SLC16A6: variants seen among roughly 807,000 people sequenced by gnomAD.
SLC16A6 encodes the protein solute carrier family 16 member 6, also known as monocarboxylate transporter 7.
A neutral mutation model predicts 33.8 loss-of-function variants in SLC16A6; 15 were observed. That is an observed-to-expected ratio of 0.44 (90% CI 0.30 to 0.68). The LOEUF is 0.68. SLC16A6 is among the 30% of genes least tolerant of loss of function. SLC16A6 has a pLI of 0.10. For missense variants in SLC16A6, 451 were observed against 661.5 expected (o/e 0.68, Z 3.49); for synonymous variants, 219 against 248.4 (o/e 0.88, Z 1.11).
chr17:68,269,180 A>G lies in SLC16A6; in HGVS notation c.1488T>C (p.Thr496=). 2 of 1,564,484 alleles carry G rather than the reference A, an allele frequency of 1.3e-6. No individual in the cohort carries two copies. Among genetic ancestry groups the G allele is most frequent in the Non-Finnish European group, 1.7e-6 (2 of 1,158,254 alleles). Residue 496 remains threonine (T), a synonymous_variant, in exon 6 of 6, where the codon ACT becomes ACC. Coordinates refer to ENST00000580666, the MANE Select transcript of SLC16A6 (RefSeq NM_004694.5). ...GAAAGTCTTCAGGTATGTCCTGTAA[A>G]GTCTTCCCACGATGGCTCACTACCT... ...ETKVVSHRGK[T]LQDIPEDFLE... is the part of the protein sequence containing the mutation.
chr17:68,280,362 A>C (rs1555752292), intron 1 of SLC16A6, among the ~76,000 whole-genome samples: 6 of 152,132 alleles, frequency 3.9e-5, no homozygotes, highest in Non-Finnish European at 7.4e-5. Flanking sequence ...ACAAAGCTGG[A>C]GGCATCACAC....
chr17:68,284,106 A>G (rs2075787715), intron 1 of SLC16A6, among the ~76,000 whole-genome samples: 1 of 148,336 alleles, frequency 6.7e-6, no homozygotes, highest in African/African-American at 2.5e-5. Context: ...TCTGTCTCAA[A>G]AAAAAAAAAA....
chr17:68,277,300 T>A (rs1308507115), intron 2 of SLC16A6, among the ~76,000 whole-genome samples: 2 of 151,974 alleles, frequency 1.3e-5, no homozygotes, highest in Non-Finnish European at 2.9e-5. Flanking sequence ...CCAGTTAATT[T>A]TTTGTATTTT....
chr17:68,281,395 C>T lies in SLC16A6; in HGVS notation c.-7-3068G>A, dbSNP rs181693382. ...CATCCTGGCCAACATAGTGAAATCC[C>T]GTCTCTACTAAAAATACAAAAATTA... On this transcript the variant is annotated intron_variant, in intron 1 of 5. Transcript: ENST00000580666. 4.6e-5 allele frequency among the ~76,000 whole-genome samples: 7 copies of T among 151,930 alleles called. No homozygotes were observed. In the East Asian group the frequency reaches 9.8e-4, roughly 21 times the overall value.
At position 68,272,683 on chromosome 17, in the gene SLC16A6, A is replaced by G. The variant is rs1164626510; in HGVS notation, c.461T>C (p.Val154Ala). 11 of 1,614,048 alleles carry G rather than the reference A, an allele frequency of 6.8e-6. No homozygotes were observed. The Admixed American group carries it at 8.3e-5, about 12-fold the overall frequency. Reference protein sequence around the residue: ...FGKRRSIVTAVASTGECFAVF... With the variant: ...FGKRRSIVTAAASTGECFAVF... ...AGCGAAACATTCTCCTGTGGAAGCAACTGCAGTGACTATGGAACGTCTTTT... is the reference window on the plus strand; with the variant it reads ...AGCGAAACATTCTCCTGTGGAAGCAGCTGCAGTGACTATGGAACGTCTTTT... Residue 154 changes from valine to alanine, a missense_variant, in exon 4 of 6, where the codon GTT becomes GCT. By Grantham distance (64) the Val-to-Ala change is moderately conservative. Around this residue, in one of 2 missense-constraint regions of SLC16A6, gnomAD observed 405 missense variants for 510.7 expected, o/e 0.79. Coordinates refer to ENST00000580666, the MANE Select transcript of SLC16A6 (RefSeq NM_004694.5).
Position 68,289,223 on chromosome 17 carries a change from G to A in SLC16A6, c.-8+1863C>T, listed in dbSNP as rs562457072. ...TGAGGTGGGAGGATCGCTTGAGCCC[G>A]GGAGGTCGAGGCTGCAATGAGCAGA... On this transcript the variant is annotated intron_variant, in intron 1 of 5. Transcript: ENST00000580666. Among the ~76,000 whole-genome samples the A allele has an allele frequency of 6.6e-5, 10 of 152,160 alleles. 1 individual carries two copies. The South Asian group carries it at 2.1e-3, about 32-fold the overall frequency.
At chr17:68,273,260 G>A (rs1489225616) in intron 3 of SLC16A6, among the ~76,000 whole-genome samples, 1 of 151,354 alleles carries the variant, frequency 6.6e-6, no homozygotes, top group Non-Finnish European at 1.5e-5. Flanking sequence ...CCAGGCTGGA[G>A]TGCAGTGGTG....
At position 68,274,016 on chromosome 17, in the gene SLC16A6, A is replaced by G; in HGVS notation, c.287T>C (p.Leu96Ser). The G allele has an allele frequency of 6.2e-7, 1 of 1,614,152 alleles. No homozygotes were observed. ...CCCGGTGCTGACAAGTAGCCCCCCC[A>G]ACATCACTACCAGACGGTGTCCGAA... Reference protein sequence around the residue: ...NRFGHRLVVMLGGLLVSTGMV... With the variant: ...NRFGHRLVVMSGGLLVSTGMV... The change falls in exon 3 of 6, where the codon TTG becomes TCG. Residue 96 changes from leucine to serine, a missense_variant. Leu to Ser is a moderately radical substitution (Grantham distance 145). This residue lies in a region of SLC16A6 where 405 missense variants were observed against 510.7 expected (regional missense o/e 0.79). Coordinates refer to ENST00000580666, the MANE Select transcript of SLC16A6 (RefSeq NM_004694.5).
intron 2 of SLC16A6, among the ~76,000 whole-genome samples, chr17:68,276,547 C>G (rs1555751017): frequency 2.0e-5 from 3 of 152,134 alleles, no homozygotes; most frequent in African/African-American, 7.2e-5. Context: ...CTCCCAGGCT[C>G]AAGCAATTCT....
Position 68,273,936 on chromosome 17 carries a change from T to C in SLC16A6, c.367A>G (p.Ile123Val), listed in dbSNP as rs139998385. ...EVSHMYVAIG[I>V]ISGLGYCFSF... is the part of the protein sequence containing the mutation. Reference sequence around the variant, plus strand: ...AAAGAGGAACACTTACCAGAGATGATGCCGATGGCGACGTACATATGAGAA... The same window carrying C: ...AAAGAGGAACACTTACCAGAGATGACGCCGATGGCGACGTACATATGAGAA... Residue 123 changes from isoleucine to valine, a missense_variant, in exon 3 of 6, where the codon ATC becomes GTC. By Grantham distance (29) the Ile-to-Val change is conservative. Around this residue, in one of 2 missense-constraint regions of SLC16A6, gnomAD observed 405 missense variants for 510.7 expected, o/e 0.79. Coordinates refer to ENST00000580666, the MANE Select transcript of SLC16A6 (RefSeq NM_004694.5). 23 of 1,614,028 alleles carry C rather than the reference T, an allele frequency of 1.4e-5. No homozygotes were observed. The African/African-American group carries it at 2.9e-4, about 21-fold the overall frequency.
chr17:68,291,027 AAAAC>A (rs1181168096), intron 1 of SLC16A6, 55 bp downstream of exon 1: 1 of 152,242 alleles, frequency 6.6e-6, no homozygotes, highest in East Asian at 1.9e-4. Flanking sequence ...TATTTTTTAA[AAAAC>A]AACCCACATC....
At chr17:68,278,547 A>G (rs2075595927) in intron 1 of SLC16A6, among the ~76,000 whole-genome samples, 1 of 150,992 alleles carries the variant, frequency 6.6e-6, no homozygotes, top group African/African-American at 2.4e-5. Flanking sequence ...CAATTCTCCT[A>G]CGTCAGCCTC....
At chr17:68,289,928 AGAG>A (rs1313823054) in intron 1 of SLC16A6, among the ~76,000 whole-genome samples, 1 of 152,350 alleles carries the variant, frequency 6.6e-6, no homozygotes, top group Middle Eastern at 3.4e-3. Context: ...AATTATGAGA[AGAG>A]GGGTTTCTAT....
intron 5 of SLC16A6, 145 bp downstream of exon 5, chr17:68,270,694 C>T (rs1432711736): frequency 1.4e-6 from 1 of 692,780 alleles, no homozygotes. Context: ...AGAGGGCTGG[C>T]TCAGGTAATC....
At position 68,269,047 on chromosome 17, in the gene SLC16A6, C is replaced by G. The variant is rs1568401707; in HGVS notation, c.*49G>C. 6.3e-7 allele frequency: 1 copy of G among 1,591,020 alleles called. No homozygotes were observed. Among genetic ancestry groups the G allele is most frequent in the Non-Finnish European group, 8.6e-7 (1 of 1,169,288 alleles). On this transcript the variant is annotated 3_prime_UTR_variant, in exon 6 of 6. Transcript: ENST00000580666. The stretch of plus-strand genomic sequence containing the variant: ...CCTCCTTGTGTCCCCGTTGGGCCCA[C>G]CCCATCCCTCTCCAGCCAACACAGT...
Position 68,272,652 on chromosome 17 carries a change from A to T in SLC16A6, c.492T>A (p.Phe164Leu). 6.2e-7 allele frequency: 1 copy of T among 1,614,118 alleles called. No individual in the cohort carries two copies. The highest frequency in any genetic ancestry group is 1.1e-5 in the South Asian group (1 of 91,084). ...TAGTCCACCTACCTGGTGCGAAAGC[A>T]AACACAGCGAAACATTCTCCTGTGG... ...VASTGECFAVFAFAPAIMALK... is the reference protein window; with the variant it reads ...VASTGECFAVLAFAPAIMALK... The change falls in exon 4 of 6, where the codon TTT becomes TTA. Residue 164 changes from phenylalanine (F) to leucine (L), a missense_variant. By Grantham distance (22) the Phe-to-Leu change is conservative. Coordinates refer to ENST00000580666, the MANE Select transcript of SLC16A6 (RefSeq NM_004694.5).
chr17:68,284,927 A>G (rs1816062284), intron 1 of SLC16A6, among the ~76,000 whole-genome samples: 1 of 152,118 alleles, frequency 6.6e-6, no homozygotes, highest in Non-Finnish European at 1.5e-5. Flanking sequence ...GTACAACCCC[A>G]TGTCCCCGGA....
At chr17:68,288,380 T>G (rs1555754869) in intron 1 of SLC16A6, among the ~76,000 whole-genome samples, 1 of 152,178 alleles carries the variant, frequency 6.6e-6, no homozygotes, top group Non-Finnish European at 1.5e-5. Flanking sequence ...AGGCCTGAAT[T>G]TTGAACTCAT....
intron 1 of SLC16A6, among the ~76,000 whole-genome samples, chr17:68,283,637 A>G (rs527292878): frequency 4.8e-4 from 73 of 152,190 alleles, no homozygotes; most frequent in African/African-American, 1.7e-3. Context: ...CCTGACCAAC[A>G]TGGAGAAACG....
Sources: gnomAD v4.1 joint callset for allele counts (sites outside exome capture counted in the v4.1 genomes callset) on GRCh38, gnomAD v4.1.1 for gene constraint, gnomAD v4.1.1 regional missense constraint, MANE v1.5 for transcripts, NCBI Gene and HGNC (gene_info 2026-07-23, HGNC 2026-07-21) for gene names.